Variants in MYOM1 observed in about 807,000 individuals in gnomAD.
The protein encoded by MYOM1 is myomesin 1.
MYOM1 carries 164 observed loss-of-function variants against 205.3 expected under a neutral mutation model. The ratio of observed to expected loss-of-function variants is 0.80; its 90% CI spans 0.70 to 0.91. The LOEUF is 0.91. MYOM1 is among the 40% of genes least tolerant of loss of function. MYOM1 has a pLI of 0.00. For missense variants in MYOM1, 2,011 were observed against 2,127.3 expected, an observed-to-expected ratio of 0.95 and a Z score of 1.08; for synonymous variants, 772 against 789.4, an observed-to-expected ratio of 0.98 and a Z score of 0.37.
chr18:3,154,565 C>T (rs1598728183), intron 11 of MYOM1, among the ~76,000 whole-genome samples: 1 of 151,660 alleles, frequency 6.6e-6, no homozygotes, highest in Non-Finnish European at 1.5e-5. Context: ...CAGGTACTAA[C>T]TGCTGTAAAA....
rs751844892 is a variant in MYOM1, at chr18:3,164,258, T to C, written c.1501+20A>G. On this transcript the variant is annotated intron_variant, in intron 10 of 37. Coordinates refer to ENST00000356443, the MANE Select transcript of MYOM1 (RefSeq NM_003803.4). ...GTGTACTAAATATTGTTAGGTGTTT[T>C]GTTTTTTGCTAGGACTTACCTCGAA... The C allele has an allele frequency of 2.5e-6, 4 of 1,608,504 alleles. No homozygotes were observed. The highest frequency in any genetic ancestry group is 3.4e-6 in the Non-Finnish European group (4 of 1,177,406).
chr18:3,120,137 T>A, intron 19 of MYOM1, 142 bp from the exon 20 acceptor site: 1 of 1,171,202 alleles, frequency 8.5e-7, no homozygotes, highest in Non-Finnish European at 1.2e-6. Context: ...TTTTGTAATC[T>A]CCTGGGTGTG....
intron 33 of MYOM1, among the ~76,000 whole-genome samples, chr18:3,080,830 T>C (rs2079076571): frequency 6.6e-6 from 1 of 152,132 alleles, no homozygotes; most frequent in African/African-American, 2.4e-5. Flanking sequence ...GAGCAATAGA[T>C]GTGTCTTAGA....
chr18:3,105,716 G>A lies in MYOM1; in HGVS notation c.3419-3086C>T, dbSNP rs149840878. On this transcript the variant is annotated intron_variant, in intron 22 of 37. Coordinates refer to ENST00000356443, the MANE Select transcript of MYOM1 (RefSeq NM_003803.4). The stretch of plus-strand genomic sequence containing the variant: ...TTAAAAATATAAAAATTAGCCAGGC[G>A]TGGTGGCGCATGTCTGTAATCCCAG... Among the ~76,000 whole-genome samples the A allele has an allele frequency of 7.9e-5, 12 of 152,094 alleles. 1 individual carries two copies. The East Asian group carries it at 1.5e-3, about 20-fold the overall frequency.
At chr18:3,227,286 T>G in the MYOM1 span, among the ~76,000 whole-genome samples, 1 of 152,092 alleles carries the variant, frequency 6.6e-6, no homozygotes, top group East Asian at 1.9e-4. Flanking sequence ...TATTCAGCCT[T>G]AAAAAGGAGT....
At chr18:3,172,933 T>C (rs2080582568) in intron 8 of MYOM1, among the ~76,000 whole-genome samples, 1 of 152,132 alleles carries the variant, frequency 6.6e-6, no homozygotes, top group Non-Finnish European at 1.5e-5. Context: ...GATCACAACT[T>C]GGGATATTAA....
the MYOM1 span, among the ~76,000 whole-genome samples, chr18:3,239,299 T>G: frequency 4.4e-3 from 669 of 152,210 alleles, 9 homozygotes; most frequent in African/African-American, 0.016. Flanking sequence ...GGGAGGACAA[T>G]GCATGAAGAC....
At chr18:3,171,191 TCG>T (rs1209474507) in intron 8 of MYOM1, among the ~76,000 whole-genome samples, 1 of 152,236 alleles carries the variant, frequency 6.6e-6, no homozygotes, top group African/African-American at 2.4e-5. Context: ...TGTCTTGATT[TCG>T]TGTGTTCCCA....
Position 3,187,562 on chromosome 18 carries a change from G to GT in MYOM1, c.846dup (p.Pro283ThrfsTer30). ...TTCTCCCAAACCGTGTGGGAGCGAGGTTTAATGATAAACTCAGGAGCATGG... is the reference window on the plus strand; with the variant it reads ...TTCTCCCAAACCGTGTGGGAGCGAGGTTTTAATGATAAACTCAGGAGCATGG... On this transcript the variant is annotated frameshift_variant, in exon 5 of 38. Coordinates refer to ENST00000356443, the MANE Select transcript of MYOM1 (RefSeq NM_003803.4). LOFTEE classifies it high-confidence loss of function. 2 of 1,613,790 alleles carry GT rather than the reference G, an allele frequency of 1.2e-6. No individual in the cohort carries two copies. The highest frequency in any genetic ancestry group is 1.7e-6 in the Non-Finnish European group (2 of 1,179,782).
At position 3,126,731 on chromosome 18, in the gene MYOM1, A is replaced by C. The variant is rs2079790579; in HGVS notation, c.2961T>G (p.Asn987Lys). The change falls in exon 19 of 38, where the codon AAT becomes AAG. Residue 987 changes from asparagine (N) to lysine (K), a missense_variant. Asn to Lys is a moderately conservative substitution (Grantham distance 94). Coordinates refer to ENST00000356443, the MANE Select transcript of MYOM1 (RefSeq NM_003803.4). ...DGVPGKWREANVKAVSEEAYK... is the reference protein window; with the variant it reads ...DGVPGKWREAKVKAVSEEAYK... ...ATGCCTCCTCACTGACAGCCTTGAC[A>C]TTGGCTTCTCTCCATTTTCCTGGTA... is the stretch of plus-strand genomic sequence containing the variant. The C allele has an allele frequency of 6.2e-7, 1 of 1,613,724 alleles. No homozygotes were observed. Among genetic ancestry groups the C allele is most frequent in the East Asian group, 2.2e-5 (1 of 44,876 alleles).
At chr18:3,228,101 C>T in the MYOM1 span, among the ~76,000 whole-genome samples, 1 of 152,120 alleles carries the variant, frequency 6.6e-6, no homozygotes, top group Admixed American at 6.5e-5. This position sits in a 1 kb window ranked among gnomAD's most constrained non-coding sequence, Gnocchi z 4.5. Context: ...GAGCAGTGGC[C>T]AAGTGTCAGC....
Position 3,162,237 on chromosome 18 carries a change from T to TA in MYOM1, c.1501+2040dup, listed in dbSNP as rs565300189. Among the ~76,000 whole-genome samples the TA allele has an allele frequency of 1.9e-3, 294 of 152,284 alleles. 1 individual carries two copies. The highest frequency in any genetic ancestry group is 6.7e-3 in the African/African-American group (278 of 41,548). ...AGGGCCCAGAGGGGAGCATGACTGATATGCAAACTAGCCACTTCAGCCACA... is the reference window on the plus strand; with the variant it reads ...AGGGCCCAGAGGGGAGCATGACTGATAATGCAAACTAGCCACTTCAGCCACA... On this transcript the variant is annotated intron_variant, in intron 10 of 37. Transcript: ENST00000356443.
Position 3,135,731 on chromosome 18 carries a change from C to G in MYOM1, c.2026-1G>C. The stretch of plus-strand genomic sequence containing the variant: ...GCCAGTTTTCTGTTCCTGCCTCACA[C>G]TGCAGCAAGAACAGGGAAACCCATT... On this transcript the variant is annotated splice_acceptor_variant, in intron 14 of 37. Coordinates refer to ENST00000356443, the MANE Select transcript of MYOM1 (RefSeq NM_003803.4). LOFTEE classifies it high-confidence loss of function. The surrounding 1 kb of genome is among the most constrained non-coding windows in gnomAD (Gnocchi z 4.1). The G allele has an allele frequency of 1.2e-6, 2 of 1,613,794 alleles. No homozygotes were observed. Among genetic ancestry groups the G allele is most frequent in the South Asian group, 2.2e-5 (2 of 91,062 alleles).
At chr18:3,134,623 C>G in intron 16 of MYOM1, 27 bp downstream of exon 16, 1 of 1,585,146 alleles carries the variant, frequency 6.3e-7, no homozygotes, top group Non-Finnish European at 8.6e-7. Flanking sequence ...GAGGCCATTG[C>G]CCGCCCTGCA....
intron 12 of MYOM1, among the ~76,000 whole-genome samples, chr18:3,149,553 C>T (rs1031022550): frequency 6.6e-6 from 1 of 152,088 alleles, no homozygotes; most frequent in African/African-American, 2.4e-5. Context: ...GGATAGCATG[C>T]GTTTGGGAGA....
intron 10 of MYOM1, among the ~76,000 whole-genome samples, chr18:3,162,576 C>G (rs2080407162): frequency 1.3e-5 from 2 of 152,122 alleles, no homozygotes; most frequent in African/African-American, 2.4e-5. Context: ...TTTCTTGTGC[C>G]TCTACTAGAT....
chr18:3,227,388 T>C, the MYOM1 span, among the ~76,000 whole-genome samples: 1 of 152,142 alleles, frequency 6.6e-6, no homozygotes, highest in Non-Finnish European at 1.5e-5. Context: ...TAGTGTATGA[T>C]TCCACTTATA....
chr18:3,206,690 T>G (rs2081127102), intron 2 of MYOM1, among the ~76,000 whole-genome samples: 3 of 152,206 alleles, frequency 2.0e-5, no homozygotes, highest in Admixed American at 6.5e-5. Context: ...ACCTACTGAT[T>G]CTTGATTCTC....
At chr18:3,223,084 G>A (rs1288929221), upstream of MYOM1, among the ~76,000 whole-genome samples, 1 of 152,158 alleles carries the variant, frequency 6.6e-6, no homozygotes, top group African/African-American at 2.4e-5. Flanking sequence ...GTTTCACCAT[G>A]TTGCCAGGAT....
Sources: allele counts gnomAD v4.1 joint callset (sites outside exome capture counted in the v4.1 genomes callset), GRCh38; gene constraint gnomAD v4.1.1; non-coding constraint Gnocchi (gnomAD v3.1); transcripts MANE v1.5; gene names NCBI Gene and HGNC (gene_info 2026-07-23, HGNC 2026-07-21).